The following CCBE1 variants were observed in gnomAD, a reference collection of about 807,000 sequenced individuals.
CCBE1 encodes the protein collagen and calcium-binding EGF domain-containing protein 1.
CCBE1 carries 37 observed loss-of-function variants against 50.0 expected under a neutral mutation model. That is an observed-to-expected ratio of 0.74 (90% CI 0.57 to 0.97). CCBE1 has a LOEUF of 0.97. Ranked by LOEUF, CCBE1 falls within the 50% of genes least tolerant of loss-of-function variation. CCBE1 has a pLI of 0.00. For synonymous variants in CCBE1, 234 were observed against 203.7 expected (o/e 1.15, Z -1.27); for missense variants, 538 against 523.8 (o/e 1.03, Z -0.26).
At chr18:59,622,740 G>C (rs1434819984) in intron 2 of CCBE1, among the ~76,000 whole-genome samples, 1 of 151,558 alleles carries the variant, frequency 6.6e-6, no homozygotes, top group African/African-American at 2.4e-5. Context: ...GGCAGAGGTT[G>C]CAGTGAGCTG....
intron 1 of CCBE1, 65 bp downstream of exon 1, chr18:59,697,147 G>A: frequency 5.8e-6 from 9 of 1,543,208 alleles, no homozygotes; most frequent in Non-Finnish European, 7.9e-6. Context: ...AGGACCGCCC[G>A]CACCCCGCGA....
intron 10 of CCBE1, among the ~76,000 whole-genome samples, chr18:59,436,840 T>C (rs1437484228): frequency 6.6e-6 from 1 of 151,996 alleles, no homozygotes; most frequent in Non-Finnish European, 1.5e-5. Context: ...GGTGTGGTGG[T>C]GGGCACCTGT....
chr18:59,554,093 C>A (rs1015754713), intron 2 of CCBE1, among the ~76,000 whole-genome samples: 14 of 152,156 alleles, frequency 9.2e-5, no homozygotes, highest in African/African-American at 3.4e-4. Context: ...ACCAGTAATT[C>A]CCGGGCTCAA....
intron 2 of CCBE1, among the ~76,000 whole-genome samples, chr18:59,678,933 A>G (rs909758079): frequency 1.3e-5 from 2 of 152,248 alleles, no homozygotes; most frequent in African/African-American, 4.8e-5. Context: ...TTGGGTTTAA[A>G]AGGGCTCTAA....
intron 2 of CCBE1, among the ~76,000 whole-genome samples, chr18:59,546,108 A>G (rs1479564219): frequency 6.6e-6 from 1 of 152,224 alleles, no homozygotes; most frequent in Non-Finnish European, 1.5e-5. Flanking sequence ...TTCTCTCACC[A>G]AAACGTATGA....
chr18:59,463,945 G>C (rs541340432), intron 5 of CCBE1: 1 of 152,330 alleles, frequency 6.6e-6, no homozygotes, highest in South Asian at 2.1e-4. Context: ...TGAAAAATTA[G>C]AAAGCTGCTT....
intron 2 of CCBE1, among the ~76,000 whole-genome samples, chr18:59,520,505 G>A (rs1346723857): frequency 6.6e-6 from 1 of 152,226 alleles, no homozygotes; most frequent in Non-Finnish European, 1.5e-5. Context: ...AAACCCATCT[G>A]TTCAGATGTT....
intron 2 of CCBE1, among the ~76,000 whole-genome samples, chr18:59,562,381 A>G (rs970221730): frequency 6.6e-6 from 1 of 152,188 alleles, no homozygotes; most frequent in African/African-American, 2.4e-5. Context: ...ATCCTCTCCC[A>G]CCACAGACAA....
At chr18:59,486,698 G>C (rs2120707) in intron 2 of CCBE1, among the ~76,000 whole-genome samples, 47,494 of 151,936 alleles carry the variant, frequency 0.31, 7,935 homozygotes, top group African/African-American at 0.42. Context: ...AGCTATTAAG[G>C]AAAGTGGAGA....
chr18:59,435,782 C>T lies in CCBE1; in HGVS notation c.*126G>A, dbSNP rs762712892. 34 of 864,098 alleles carry T rather than the reference C, an allele frequency of 3.9e-5. No homozygotes were observed. The highest frequency in any genetic ancestry group is 8.1e-5 in the South Asian group (6 of 74,410). 53.5% of individuals were successfully genotyped at this position (864,098 alleles called of 1,614,324 possible). ...ATTTGGAAGAAGAGGAGTGGAGAGACGTCAGGAGAAGAGAAGAGAAAAATG... is the reference window on the plus strand; with the variant it reads ...ATTTGGAAGAAGAGGAGTGGAGAGATGTCAGGAGAAGAGAAGAGAAAAATG... On this transcript the variant is annotated 3_prime_UTR_variant, in exon 11 of 11. Transcript: ENST00000439986.
At position 59,551,754 on chromosome 18, in the gene CCBE1, C is replaced by T. The variant is rs573840237; in HGVS notation, c.213-71516G>A. Among the ~76,000 whole-genome samples the T allele has an allele frequency of 2.2e-4, 33 of 152,256 alleles. 1 individual carries two copies. The highest frequency in any genetic ancestry group is 1.2e-3 in the East Asian group (6 of 5,188). ...GTGGAATACTTTTGACATGGACAAA[C>T]GAAGGGGAATTCAAAGTCAGAAAGA... On this transcript the variant is annotated intron_variant, in intron 2 of 10. Transcript: ENST00000439986.
At chr18:59,688,682 G>A (rs903634927) in intron 2 of CCBE1, among the ~76,000 whole-genome samples, 4 of 152,308 alleles carry the variant, frequency 2.6e-5, no homozygotes, top group African/African-American at 9.6e-5. Context: ...CTTAGAAACT[G>A]GCAGATTATG....
At chr18:59,466,414 T>C (rs1231320785) in intron 5 of CCBE1, among the ~76,000 whole-genome samples, 1 of 152,018 alleles carries the variant, frequency 6.6e-6, no homozygotes, top group East Asian at 1.9e-4. Context: ...TTGTGAGGCC[T>C]CCCCAGCCAT....
chr18:59,675,993 T>A (rs9956493), intron 2 of CCBE1, among the ~76,000 whole-genome samples: 44,828 of 152,082 alleles, frequency 0.29, 6,971 homozygotes, highest in Non-Finnish European at 0.35. Context: ...CGCCCTACCT[T>A]CATAGGCCAT....
At chr18:59,470,847 T>C (rs182499685) in intron 3 of CCBE1, among the ~76,000 whole-genome samples, 1 of 152,318 alleles carries the variant, frequency 6.6e-6, no homozygotes, top group East Asian at 1.9e-4. Flanking sequence ...ACGGGTGGGC[T>C]GTCAGCTCCT....
chr18:59,512,586 G>C (rs778213094), intron 2 of CCBE1, among the ~76,000 whole-genome samples: 3 of 152,250 alleles, frequency 2.0e-5, no homozygotes, highest in Non-Finnish European at 4.4e-5. Flanking sequence ...GACAGACAGA[G>C]AGGCACGAAG....
intron 2 of CCBE1, among the ~76,000 whole-genome samples, chr18:59,694,123 G>A (rs1214508694): frequency 2.0e-5 from 3 of 152,034 alleles, no homozygotes; most frequent in African/African-American, 4.8e-5. Flanking sequence ...ACCCACCTCC[G>A]CCTCCCAAAG....
At chr18:59,658,901 A>AC (rs1375345442) in intron 2 of CCBE1, among the ~76,000 whole-genome samples, 6 of 151,420 alleles carry the variant, frequency 4.0e-5, no homozygotes, top group Admixed American at 2.6e-4. Context: ...AAAAAAAAAA[A>AC]AAAAACTGTT....
At chr18:59,650,224 A>G (rs2054109046) in intron 2 of CCBE1, among the ~76,000 whole-genome samples, 2 of 151,874 alleles carry the variant, frequency 1.3e-5, no homozygotes, top group Admixed American at 1.3e-4. Context: ...ATAAATAAAC[A>G]GATATACAGC....
Sources: allele counts gnomAD v4.1 joint callset (sites outside exome capture counted in the v4.1 genomes callset), GRCh38; gene constraint gnomAD v4.1.1; transcripts MANE v1.5; gene names NCBI Gene and HGNC (gene_info 2026-07-23, HGNC 2026-07-21).